Variants in ADGRB1 observed in about 807,000 individuals in gnomAD.
The protein encoded by ADGRB1 is brain-specific angiogenesis inhibitor 1.
Under a neutral mutation model 175.7 loss-of-function variants are expected in ADGRB1, and 36 were observed. That is an observed-to-expected ratio of 0.20 (90% CI 0.16 to 0.27). The LOEUF (loss-of-function observed/expected upper bound fraction) is 0.27, where lower values mean the gene tolerates loss of function less well. Among genes scored for constraint, ADGRB1 ranks in the 10% least tolerant of loss-of-function variants. ADGRB1 has a pLI of 1.00. For missense variants in ADGRB1, 1,731 were observed against 2,255.3 expected (o/e 0.77, Z 4.71); for synonymous variants, 1,054 against 979.4 (o/e 1.08, Z -1.42).
At chr8:142,466,045 C>A (rs2131687978) in intron 2 of ADGRB1, among the ~76,000 whole-genome samples, 1 of 152,330 alleles carries the variant, frequency 6.6e-6, no homozygotes, top group South Asian at 2.1e-4. Flanking sequence ...ATGGAGACCC[C>A]TTGCTGACGG....
At chr8:142,522,175 C>T in intron 21 of ADGRB1, 60 bp downstream of exon 21, 1 of 1,571,496 alleles carries the variant, frequency 6.4e-7, no homozygotes, top group Non-Finnish European at 8.6e-7. Flanking sequence ...ACTGCTTGTT[C>T]TGTCCTGGCA....
intron 17 of ADGRB1, among the ~76,000 whole-genome samples, chr8:142,496,011 T>A (rs1029237496): frequency 4.7e-5 from 7 of 149,366 alleles, no homozygotes; most frequent in Non-Finnish European, 3.0e-5. Context: ...GATAGATGGA[T>A]GAGTGAATAG....
chr8:142,463,134 G>A (rs549818493), intron 1 of ADGRB1, among the ~76,000 whole-genome samples: 14 of 152,330 alleles, frequency 9.2e-5, no homozygotes, highest in Non-Finnish European at 1.8e-4. Context: ...AGTAATGCTA[G>A]CCTTGCAGAG....
chr8:142,541,879 A>T (rs1845291643), intron 27 of ADGRB1, 62 bp from the exon 28 acceptor site: 7 of 1,454,074 alleles, frequency 4.8e-6, no homozygotes, highest in South Asian at 1.3e-5. Context: ...CCTGCTGGGG[A>T]CTGTCCTACG....
chr8:142,472,067 G>C (rs1339312448), intron 2 of ADGRB1, among the ~76,000 whole-genome samples: 1 of 152,222 alleles, frequency 6.6e-6, no homozygotes, highest in Non-Finnish European at 1.5e-5. Flanking sequence ...TGCCCGACCT[G>C]CTGGAGTCGG....
At chr8:142,475,417 C>G in intron 2 of ADGRB1, 57 bp from the exon 3 acceptor site, 7 of 1,247,844 alleles carry the variant, frequency 5.6e-6, no homozygotes, top group South Asian at 7.8e-5. Context: ...ATGACTTACC[C>G]GTCCAGGCCA....
rs1840821136 is a variant in ADGRB1 at position 142,474,326 on chromosome 8, G to C, written c.785-1148G>C. Among the ~76,000 whole-genome samples, 1 of 152,138 alleles carries C rather than the reference G, an allele frequency of 6.6e-6. No individual in the cohort carries two copies. The highest frequency in any genetic ancestry group is 2.1e-4 in the South Asian group (1 of 4,832). On this transcript the variant is annotated intron_variant, in intron 2 of 30. Coordinates refer to ENST00000517894, the MANE Select transcript of ADGRB1 (RefSeq NM_001702.3). The surrounding 1 kb of genome is among the most constrained non-coding windows in gnomAD (Gnocchi z 5.8). Reference sequence around the variant, plus strand: ...GTGTTCCCCAGTGGCAGCGGCCCCAGCTCCATGGTGGGTCCCCTCGTGGTG... The same window carrying C: ...GTGTTCCCCAGTGGCAGCGGCCCCACCTCCATGGTGGGTCCCCTCGTGGTG...
rs80245449 is a variant in ADGRB1 at position 142,474,494 on chromosome 8, C to T, written c.785-980C>T. On this transcript the variant is annotated intron_variant, in intron 2 of 30. Coordinates refer to ENST00000517894, the MANE Select transcript of ADGRB1 (RefSeq NM_001702.3). This position sits in a 1 kb window ranked among gnomAD's most constrained non-coding sequence, Gnocchi z 5.8. Reference sequence around the variant, plus strand: ...AGGAGGCCCGAGCGGGAGGCCTGGACGCGGCAGCCCCTTCCCGGCCCCCTG... The same window carrying T: ...AGGAGGCCCGAGCGGGAGGCCTGGATGCGGCAGCCCCTTCCCGGCCCCCTG... 0.011 allele frequency among the ~76,000 whole-genome samples: 1,709 copies of T among 152,248 alleles called. 71 individuals carry two copies. The highest frequency in any genetic ancestry group is 0.075 in the Admixed American group (1,142 of 15,298).
chr8:142,539,754 G>A (rs997965497), intron 27 of ADGRB1: 6 of 454,780 alleles, frequency 1.3e-5, no homozygotes, highest in African/African-American at 3.9e-5. Flanking sequence ...TGGCCCCAGC[G>A]AGGAGCACAG....
At chr8:142,475,699 AG>A (rs376351343) in intron 3 of ADGRB1, 64 bp downstream of exon 3, 1 of 294,052 alleles carries the variant, frequency 3.4e-6, no homozygotes, top group Non-Finnish European at 4.6e-6. Flanking sequence ...GAGGGAGGAG[AG>A]GGGGGTGGGG....
intron 3 of ADGRB1, among the ~76,000 whole-genome samples, chr8:142,476,380 C>A (rs745512232): frequency 1.3e-5 from 2 of 152,070 alleles, no homozygotes; most frequent in Non-Finnish European, 2.9e-5. Flanking sequence ...GGAGGTGGCG[C>A]GGGGTATGGG....
At chr8:142,522,150 T>C in intron 21 of ADGRB1, 35 bp downstream of exon 21, 1 of 1,593,868 alleles carries the variant, frequency 6.3e-7, no homozygotes, top group South Asian at 1.1e-5. Context: ...CCTGGACAGA[T>C]ACCCTTCCTC....
At position 142,493,249 on chromosome 8, in the gene ADGRB1, C is replaced by T. The variant is rs1842063570; in HGVS notation, c.2675+2434C>T. Among the ~76,000 whole-genome samples the T allele has an allele frequency of 6.6e-6, 1 of 152,048 alleles. No homozygotes were observed. Among genetic ancestry groups the T allele is most frequent in the Non-Finnish European group, 1.5e-5 (1 of 67,984 alleles). ...GGACAAGGACACTGCCCCAGGGACCCAACTGTGGCCGAAGAGGACATGCTG... is the reference window on the plus strand; with the variant it reads ...GGACAAGGACACTGCCCCAGGGACCTAACTGTGGCCGAAGAGGACATGCTG... On this transcript the variant is annotated intron_variant, in intron 17 of 30. Coordinates refer to ENST00000517894, the MANE Select transcript of ADGRB1 (RefSeq NM_001702.3). The surrounding 1 kb of genome is among the most constrained non-coding windows in gnomAD (Gnocchi z 5.0).
intron 19 of ADGRB1, among the ~76,000 whole-genome samples, chr8:142,520,148 T>TG (rs1843700220): frequency 7.8e-6 from 1 of 128,302 alleles, no homozygotes; most frequent in Non-Finnish European, 1.7e-5. Flanking sequence ...ATGGTGATGG[T>TG]GTGATGGTGG....
At position 142,504,150 on chromosome 8, in the gene ADGRB1, G is replaced by A. The variant is rs1489596288; in HGVS notation, c.2676-6782G>A. On this transcript the variant is annotated intron_variant, in intron 17 of 30. Coordinates refer to ENST00000517894, the MANE Select transcript of ADGRB1 (RefSeq NM_001702.3). The surrounding 1 kb of genome is among the most constrained non-coding windows in gnomAD (Gnocchi z 5.6). ...CAGGACCCCAGGTAATTGCCCCCAGGCCCTGAGCTTGGAGGGGCTAGAGCT... is the reference window on the plus strand; with the variant it reads ...CAGGACCCCAGGTAATTGCCCCCAGACCCTGAGCTTGGAGGGGCTAGAGCT... Among the ~76,000 whole-genome samples, 1 of 152,230 alleles carries A rather than the reference G, an allele frequency of 6.6e-6. No individual in the cohort carries two copies. The highest frequency in any genetic ancestry group is 2.4e-5 in the African/African-American group (1 of 41,462).
chr8:142,471,216 G>A (rs1453793111), intron 2 of ADGRB1, among the ~76,000 whole-genome samples: 1 of 152,234 alleles, frequency 6.6e-6, no homozygotes. Flanking sequence ...GGGATGGCAG[G>A]ATGGGGCCCC....
At position 142,478,378 on chromosome 8, in the gene ADGRB1, C is replaced by A; in HGVS notation, c.1561+18C>A. The A allele has an allele frequency of 6.3e-7, 1 of 1,578,752 alleles. No homozygotes were observed. Among genetic ancestry groups the A allele is most frequent in the East Asian group, 2.3e-5 (1 of 43,742 alleles). ...GTGCCCAGGTCAGGGGTGCGCCAGGCTGGGGTCGGGGGGCACCTAACAAGC... is the reference window on the plus strand; with the variant it reads ...GTGCCCAGGTCAGGGGTGCGCCAGGATGGGGTCGGGGGGCACCTAACAAGC... On this transcript the variant is annotated intron_variant, in intron 7 of 30. Coordinates refer to ENST00000517894, the MANE Select transcript of ADGRB1 (RefSeq NM_001702.3).
chr8:142,488,933 TG>T (rs1841843766), intron 14 of ADGRB1, 101 bp from the exon 15 acceptor site: 1 of 1,382,226 alleles, frequency 7.2e-7, no homozygotes. Flanking sequence ...ACCTTGAAGA[TG>T]GGCGGCAGAT....
chr8:142,516,509 C>CGTGTGT (rs1843449058), intron 18 of ADGRB1, among the ~76,000 whole-genome samples: 1 of 111,026 alleles, frequency 9.0e-6, no homozygotes, highest in Non-Finnish European at 1.8e-5. Flanking sequence ...GCCCCAGGTG[C>CGTGTGT]GTGCGTGTGC....
Sources: gnomAD v4.1 joint callset for allele counts (sites outside exome capture counted in the v4.1 genomes callset) on GRCh38, gnomAD v4.1.1 for gene constraint, Gnocchi (gnomAD v3.1) non-coding constraint, MANE v1.5 for transcripts, NCBI Gene and HGNC (gene_info 2026-07-23, HGNC 2026-07-21) for gene names.